The following ASAH1 variants were observed in gnomAD, a reference collection of about 807,000 sequenced individuals.
The protein encoded by ASAH1 is N-acylsphingosine amidohydrolase 1.
A neutral mutation model predicts 59.5 loss-of-function variants in ASAH1; 70 were observed. The ratio of observed to expected loss-of-function variants is 1.18; its 90% CI spans 0.97 to 1.43. The LOEUF (loss-of-function observed/expected upper bound fraction) is 1.43, where lower values mean the gene tolerates loss of function less well. ASAH1 is among the 40% of genes most tolerant of loss of function. ASAH1 has a pLI of 0.00. For missense variants in ASAH1, 660 were observed against 482.5 expected, an observed-to-expected ratio of 1.37 and a Z score of -3.45; for synonymous variants, 213 against 166.5, an observed-to-expected ratio of 1.28 and a Z score of -2.15.
At chr8:18,081,160 G>C (rs1214165426) in intron 1 of ASAH1, among the ~76,000 whole-genome samples, 1 of 152,096 alleles carries the variant, frequency 6.6e-6, no homozygotes, top group Non-Finnish European at 1.5e-5. Flanking sequence ...TCCTGGAACG[G>C]ATGCCACCAT....
At chr8:18,084,924 G>T, upstream of ASAH1, 1 of 1,401,288 alleles carries the variant, frequency 7.1e-7, no homozygotes, top group Non-Finnish European at 9.8e-7. Context: ...TGCCATCCGT[G>T]GACACAGTCG....
At chr8:18,058,932 C>T (rs1799577609) in intron 12 of ASAH1, 41 bp from the exon 13 acceptor site, 1 of 1,541,540 alleles carries the variant, frequency 6.5e-7, no homozygotes. Flanking sequence ...AAGTTAAATA[C>T]AGAAGCCAAC....
rs556045778 is a variant in ASAH1, at chr8:18,067,276, G to A, written c.326C>T (p.Pro109Leu). Reference protein sequence around the residue: ...EKLPGLLGNFPGPFEEEMKGI... With the variant: ...EKLPGLLGNFLGPFEEEMKGI... The stretch of plus-strand genomic sequence containing the variant: ...CTTCATTTCCTCTTCAAAAGGGCCA[G>A]GAAAGTTGCCAAGTAGGCCAGGCTG... Residue 109 changes from proline (P) to leucine (L), a missense_variant, in exon 5 of 14, where the codon CCT becomes CTT. Pro to Leu is a moderately conservative substitution (Grantham distance 98). Coordinates refer to ENST00000637790, the MANE Select transcript of ASAH1 (RefSeq NM_177924.5). The A allele has an allele frequency of 5.0e-6, 8 of 1,598,948 alleles. No homozygotes were observed. In the Admixed American group the frequency reaches 5.1e-5, roughly 10 times the overall value.
At chr8:18,064,797 G>GT (rs1799864235) in intron 5 of ASAH1, 1 of 386,514 alleles carries the variant, frequency 2.6e-6, no homozygotes, top group African/African-American at 2.0e-5. Flanking sequence ...CATCCAAAAT[G>GT]TTTATCAACA....
intron 1 of ASAH1, among the ~76,000 whole-genome samples, chr8:18,077,063 C>CT (rs143174155): frequency 1.4e-3 from 207 of 152,320 alleles, no homozygotes; most frequent in African/African-American, 4.8e-3. Context: ...TCAGTCTCAA[C>CT]TGTGAACTCA....
chr8:18,073,181 TAAAC>T, intron 2 of ASAH1: 1 of 1,370,902 alleles, frequency 7.3e-7, no homozygotes, highest in South Asian at 1.3e-5. Context: ...TACCTCTCGT[TAAAC>T]AGTTTTCTAA....
chr8:18,066,421 C>CCAAAAAAAAAAAAAAAAA (rs1799930389), intron 5 of ASAH1: 2 of 57,964 alleles, frequency 3.5e-5, no homozygotes, highest in African/African-American at 9.3e-5. Flanking sequence ...ACAAAGAAAA[C>CCAAAAAAAAAAAAAAAAA]CAAAAAAAAA....
intron 2 of ASAH1, among the ~76,000 whole-genome samples, chr8:18,072,705 G>A (rs1426318963): frequency 6.6e-6 from 1 of 152,100 alleles, no homozygotes; most frequent in Non-Finnish European, 1.5e-5. Flanking sequence ...AATTTCACAT[G>A]TAAAATTTTG....
chr8:18,073,806 G>C (rs1773441158), intron 2 of ASAH1, among the ~76,000 whole-genome samples: 1 of 152,220 alleles, frequency 6.6e-6, no homozygotes, highest in Non-Finnish European at 1.5e-5. Flanking sequence ...TCCATTGATA[G>C]AGTTGAGAGA....
At chr8:18,078,940 AAG>A (rs1800527246) in intron 1 of ASAH1, among the ~76,000 whole-genome samples, 2 of 151,916 alleles carry the variant, frequency 1.3e-5, no homozygotes. Flanking sequence ...GTGGTCTCCT[AAG>A]AGTGAAGATA....
chr8:18,068,493 G>C (rs1031097404), intron 4 of ASAH1: 2 of 152,162 alleles, frequency 1.3e-5, no homozygotes, highest in African/African-American at 4.8e-5. Flanking sequence ...AGGGATAATG[G>C]GTTTGGTGCT....
chr8:18,059,289 G>C, intron 12 of ASAH1, 52 bp downstream of exon 12: 1 of 1,613,040 alleles, frequency 6.2e-7, no homozygotes, highest in Non-Finnish European at 8.5e-7. Flanking sequence ...CCAGAACCAA[G>C]GGAATCTTTA....
intron 1 of ASAH1, 187 bp from the exon 2 acceptor site, chr8:18,075,774 G>T (rs1800379058): frequency 3.3e-6 from 2 of 607,000 alleles, no homozygotes; most frequent in Non-Finnish European, 2.9e-6. Context: ...CCATTAAGTG[G>T]ATTTTCAGTT....
At chr8:18,065,685 A>C (rs1356196742) in intron 5 of ASAH1, 1 of 152,178 alleles carries the variant, frequency 6.6e-6, no homozygotes, top group African/African-American at 2.4e-5. Flanking sequence ...AGAAATCAGT[A>C]ACTTAAATAA....
Position 18,057,113 on chromosome 8 carries a change from C to A in ASAH1, c.*421G>T, listed in dbSNP as rs747183250. 1 of 181,290 alleles carries A rather than the reference C, an allele frequency of 5.5e-6. No homozygotes were observed. The highest frequency in any genetic ancestry group is 1.1e-4 in the South Asian group (1 of 9,112). 11.2% of individuals were successfully genotyped at this position (181,290 alleles called of 1,614,324 possible). A position where few individuals can be genotyped will look rare whatever the true frequency, so the allele number is the denominator to read the frequency against. On this transcript the variant is annotated 3_prime_UTR_variant, in exon 14 of 14. Coordinates refer to ENST00000637790, the MANE Select transcript of ASAH1 (RefSeq NM_177924.5). ...AAAGGCTGTTATACAGAAAAACATA[C>A]AAATATGTAGGTAGAAGTGAAAAAC...
Position 18,084,043 on chromosome 8 carries a change from A to C in ASAH1, c.16T>G (p.Cys6Gly). 5.6e-6 allele frequency: 9 copies of C among 1,598,732 alleles called. No homozygotes were observed. Among genetic ancestry groups the C allele is most frequent in the Non-Finnish European group, 6.8e-6 (8 of 1,179,680 alleles). The change falls in exon 1 of 14, where the codon TGC (cysteine) becomes GGC (glycine). Residue 6 changes from cysteine to glycine, a missense_variant. Transcript: ENST00000637790. MPGRSCVALVLLAAAV... is the reference protein window; with the variant it reads MPGRSGVALVLLAAAV... ...GCAGCCAGGAGGACTAAGGCGACGC[A>C]ACTCCGGCCCGGCATCGCTCTAGCA...
intron 1 of ASAH1, chr8:18,076,717 T>G (rs563461622): frequency 6.6e-6 from 1 of 152,296 alleles, no homozygotes; most frequent in African/African-American, 2.4e-5. Context: ...AGAAAACTCC[T>G]GGAACTGTAG....
At chr8:18,057,780 T>C (rs1799533239) in intron 13 of ASAH1, 157 bp from the exon 14 acceptor site, 1 of 262,898 alleles carries the variant, frequency 3.8e-6, no homozygotes, top group African/African-American at 2.2e-5. Flanking sequence ...AATGTATATA[T>C]TTATATTAAT....
At chr8:18,084,112 G>A (rs1309071008), upstream of ASAH1, 19 of 1,589,364 alleles carry the variant, frequency 1.2e-5, no homozygotes, top group South Asian at 7.8e-5. Flanking sequence ...AAGAAGAGCC[G>A]GCTGGGCCGG....
Sources: gnomAD v4.1 joint callset for allele counts (sites outside exome capture counted in the v4.1 genomes callset) on GRCh38, gnomAD v4.1.1 for gene constraint, MANE v1.5 for transcripts, NCBI Gene and HGNC (gene_info 2026-07-23, HGNC 2026-07-21) for gene names.